The following TG variants were observed in gnomAD, a reference collection of about 807,000 sequenced individuals.
The protein encoded by TG is thyroglobulin, also known as thyroid hormones.
TG carries 270 observed loss-of-function variants against 324.7 expected under a neutral mutation model. That is an observed-to-expected ratio of 0.83 (90% confidence interval 0.75 to 0.92). The LOEUF is 0.92. TG is among the 40% of genes least tolerant of loss of function. The probability of loss-of-function intolerance (pLI) is 0.00; values close to 1 mark genes in which losing one functional copy is unlikely to be tolerated. For synonymous variants in TG, 1,401 were observed against 1,327.0 expected, an observed-to-expected ratio of 1.06 and a Z score of -1.21; for missense variants, 3,591 against 3,456.4, an observed-to-expected ratio of 1.04 and a Z score of -0.98.
chr8:133,114,428 C>T (rs1850528195), intron 44 of TG, among the ~76,000 whole-genome samples: 1 of 152,218 alleles, frequency 6.6e-6, no homozygotes, highest in Non-Finnish European at 1.5e-5. Flanking sequence ...CTGCCTCCCT[C>T]TCCTAGTACT....
At chr8:132,873,028 T>C (rs147687597) in intron 4 of TG, 34 bp from the exon 5 acceptor site, 2 of 1,613,168 alleles carry the variant, frequency 1.2e-6, no homozygotes, top group East Asian at 2.2e-5. Flanking sequence ...TGTCTACTCA[T>C]ATATAAGGAT....
chr8:132,871,964 G>GTGTGTGTGT (rs1839518953), intron 4 of TG, among the ~76,000 whole-genome samples: 1 of 152,164 alleles, frequency 6.6e-6, no homozygotes, highest in African/African-American at 2.4e-5. Flanking sequence ...ATGTAATGAT[G>GTGTGTGTGT]ATCTTGACCC....
chr8:132,933,729 T>A (rs1410760120), intron 24 of TG, 53 bp downstream of exon 24: 2 of 1,549,116 alleles, frequency 1.3e-6, no homozygotes, highest in East Asian at 4.5e-5. Context: ...GTGGATCAGA[T>A]GTGCTCTGAG....
At chr8:132,998,915 C>T (rs1015523117) in intron 35 of TG, among the ~76,000 whole-genome samples, 8 of 152,122 alleles carry the variant, frequency 5.3e-5, no homozygotes, top group African/African-American at 1.7e-4. Context: ...GATGAAACCA[C>T]TCAAGATTTT....
At chr8:133,119,552 G>A (rs1850974445) in intron 45 of TG, among the ~76,000 whole-genome samples, 1 of 152,140 alleles carries the variant, frequency 6.6e-6, no homozygotes, top group Non-Finnish European at 1.5e-5. Flanking sequence ...TCATGGCAAA[G>A]GGGACAAACA....
chr8:133,108,610 C>T (rs1029696447), intron 43 of TG, among the ~76,000 whole-genome samples: 1 of 152,174 alleles, frequency 6.6e-6, no homozygotes, highest in Non-Finnish European at 1.5e-5. Flanking sequence ...GCTAAGAAGT[C>T]GCACAGTTAC....
At chr8:132,982,768 A>C (rs966142483) in intron 34 of TG, among the ~76,000 whole-genome samples, 1 of 152,184 alleles carries the variant, frequency 6.6e-6, no homozygotes, top group Non-Finnish European at 1.5e-5. Context: ...CAGATGTGAA[A>C]ACTGAGGCCC....
chr8:132,983,408 G>A lies in TG; in HGVS notation c.6258G>A (p.Glu2086=), dbSNP rs1187075923. The A allele has an allele frequency of 1.2e-6, 2 of 1,613,780 alleles. No individual in the cohort carries two copies. Among genetic ancestry groups the A allele is most frequent in the Non-Finnish European group, 1.7e-6 (2 of 1,179,786 alleles). Residue 2086 remains glutamate, a synonymous_variant, in exon 35 of 48, where the codon GAG becomes GAA. Transcript: ENST00000220616. The part of the protein sequence containing the change: ...CPLVVLPSLT[E]KVSLDSWQSL... ...TGGTTGTTCTGCCTTCCCTCACAGA[G>A]AAAGGTAAGTTCATTGTCTTTTTAT...
intron 39 of TG, among the ~76,000 whole-genome samples, chr8:133,021,357 C>T (rs1389508510): frequency 6.6e-6 from 1 of 152,282 alleles, no homozygotes; most frequent in East Asian, 1.9e-4. Flanking sequence ...AAACCATGGG[C>T]CAGAACTGGG....
chr8:132,911,583 G>C lies in TG; in HGVS notation c.4159+50G>C, dbSNP rs367825349. On this transcript the variant is annotated intron_variant, in intron 19 of 47. Coordinates refer to ENST00000220616, the MANE Select transcript of TG (RefSeq NM_003235.5). ...AGAATAAGCTATGCAGCCTCTCTGA[G>C]TCTCAGTTTTCTCATCTGCCAAATG... 134 of 1,528,560 alleles carry C rather than the reference G, an allele frequency of 8.8e-5. 1 individual carries two copies. Among genetic ancestry groups the C allele is most frequent in the Middle Eastern group, 3.4e-4 (2 of 5,928 alleles). The allele number at this position is 1,528,560 out of a possible 1,614,324, so 94.7% of individuals were successfully genotyped here. A position where few individuals can be genotyped will look rare whatever the true frequency, so the allele number is the denominator to read the frequency against.
At chr8:132,984,978 T>G (rs977841459) in intron 35 of TG, among the ~76,000 whole-genome samples, 2 of 151,714 alleles carry the variant, frequency 1.3e-5, no homozygotes, top group Admixed American at 6.6e-5. Flanking sequence ...CTATGTCATC[T>G]ATGTCATCTC....
chr8:132,919,750 T>G (rs1300045493), intron 21 of TG, among the ~76,000 whole-genome samples: 16 of 152,134 alleles, frequency 1.1e-4, no homozygotes, highest in Admixed American at 1.0e-3. Context: ...TTGCCAAATG[T>G]CTCTTGGGTG....
At chr8:133,090,638 C>T (rs1847350249) in intron 41 of TG, among the ~76,000 whole-genome samples, 1 of 152,208 alleles carries the variant, frequency 6.6e-6, no homozygotes, top group African/African-American at 2.4e-5. Context: ...ATGATGAATA[C>T]AACCAACTTT....
chr8:133,067,865 A>AG lies in TG; in HGVS notation c.7240-27178dup, dbSNP rs1430885502. ...GACAGAGAGAGAGAGAAAGAAAGAA[A>AG]GAAAGGAAGGAAGGAAGGAAGTATG... On this transcript the variant is annotated intron_variant, in intron 41 of 47. Coordinates refer to ENST00000220616, the MANE Select transcript of TG (RefSeq NM_003235.5). 1.5e-4 allele frequency among the ~76,000 whole-genome samples: 8 copies of AG among 53,630 alleles called. 1 individual carries two copies. Among genetic ancestry groups the AG allele is most frequent in the African/African-American group, 7.1e-4 (7 of 9,842 alleles). 35.2% of individuals were successfully genotyped at this position (53,630 alleles called of 152,430 possible).
At chr8:133,080,581 C>T (rs1238071315) in intron 41 of TG, among the ~76,000 whole-genome samples, 2 of 152,198 alleles carry the variant, frequency 1.3e-5, no homozygotes, top group African/African-American at 2.4e-5. Context: ...CTGCCCCAAA[C>T]TCAGGACCAT....
In TG at chr8:132,901,655, G is replaced by C. The variant is rs1817950226; in HGVS notation, c.3634+102G>C. ...AAGCTGGGAAGGCAGGGGTGGGAGG[G>C]GAGGCAGGAAGTGCAGGAGGGATGT... On this transcript the variant is annotated intron_variant, in intron 16 of 47. Coordinates refer to ENST00000220616, the MANE Select transcript of TG (RefSeq NM_003235.5). 5.3e-6 allele frequency: 7 copies of C among 1,325,608 alleles called. No individual in the cohort carries two copies. In the Admixed American group the frequency reaches 1.4e-4, roughly 26 times the overall value. 82.1% of individuals were successfully genotyped at this position (1,325,608 alleles called of 1,614,324 possible).
chr8:133,124,579 A>G (rs1444806711), intron 45 of TG, among the ~76,000 whole-genome samples: 1 of 152,266 alleles, frequency 6.6e-6, no homozygotes, highest in Non-Finnish European at 1.5e-5. Context: ...AAATAGGTAT[A>G]GCTATATCTA....
At chr8:133,040,102 G>A (rs781322065) in intron 41 of TG, 23 of 1,573,006 alleles carry the variant, frequency 1.5e-5, no homozygotes, top group Non-Finnish European at 2.0e-5. Context: ...AGGGCGTGGT[G>A]AGCACACAGC....
rs547598272 is a variant in TG, at chr8:133,131,682, G to T, written c.7863-130G>T. ...CTCCATTCAACTGGGCCCTAAACAG[G>T]ATACTTGGATATGATATAAAGAAGG... On this transcript the variant is annotated intron_variant, in intron 45 of 47. Coordinates refer to ENST00000220616, the MANE Select transcript of TG (RefSeq NM_003235.5). 1.8e-5 allele frequency: 25 copies of T among 1,357,666 alleles called. No homozygotes were observed. In the African/African-American group the frequency reaches 3.4e-4, roughly 18 times the overall value. The allele number at this position is 1,357,666 out of a possible 1,614,324, so 84.1% of individuals were successfully genotyped here. A position where few individuals can be genotyped will look rare whatever the true frequency, so the allele number is the denominator to read the frequency against.
Sources: gnomAD v4.1 joint callset for allele counts (sites outside exome capture counted in the v4.1 genomes callset) on GRCh38, gnomAD v4.1.1 for gene constraint, MANE v1.5 for transcripts, NCBI Gene and HGNC (gene_info 2026-07-23, HGNC 2026-07-21) for gene names.